The following PRIM2 variants were observed in gnomAD, a reference collection of about 807,000 sequenced individuals.
The protein encoded by PRIM2 is DNA primase large subunit.
PRIM2 carries 39 observed loss-of-function variants against 67.3 expected under a neutral mutation model. That is an observed-to-expected ratio of 0.58 (90% CI 0.45 to 0.76). The LOEUF (loss-of-function observed/expected upper bound fraction) is 0.76. PRIM2 is among the 30% of genes least tolerant of loss of function. The pLI is 0.00. For missense variants in PRIM2, 398 were observed against 598.7 expected (o/e 0.66, Z 3.50); for synonymous variants, 143 against 198.7 (o/e 0.72, Z 2.36).
chr6:57,376,748 G>A (rs1209540521), intron 5 of PRIM2, among the ~76,000 whole-genome samples: 1 of 152,124 alleles, frequency 6.6e-6, no homozygotes, highest in Non-Finnish European at 1.5e-5. Context: ...TTTTGTTGGT[G>A]AAGGCCTTGC....
At chr6:57,457,899 G>T (rs1477767274) in intron 7 of PRIM2, among the ~76,000 whole-genome samples, 2 of 152,080 alleles carry the variant, frequency 1.3e-5, no homozygotes, top group Non-Finnish European at 2.9e-5. Context: ...GCTATAGACT[G>T]GAGCTGTTCC....
chr6:57,310,220 A>G (rs1767354162), upstream of PRIM2, among the ~76,000 whole-genome samples: 1 of 152,250 alleles, frequency 6.6e-6, no homozygotes, highest in African/African-American at 2.4e-5. Context: ...TCATCAGAGA[A>G]ATGCAAATCA....
intron 10 of PRIM2, among the ~76,000 whole-genome samples, chr6:57,591,009 G>A (rs1776273312): frequency 6.6e-6 from 1 of 152,156 alleles, no homozygotes; most frequent in Non-Finnish European, 1.5e-5. Context: ...AGTATTTACT[G>A]CCTCCTGGAC....
At chr6:57,293,077 T>C in the PRIM2 span, among the ~76,000 whole-genome samples, 1 of 152,134 alleles carries the variant, frequency 6.6e-6, no homozygotes, top group Non-Finnish European at 1.5e-5. Flanking sequence ...AGAAAATTTT[T>C]GCAATCTACC....
chr6:57,420,173 A>C (rs1421621372), intron 7 of PRIM2, among the ~76,000 whole-genome samples: 1 of 152,138 alleles, frequency 6.6e-6, no homozygotes, highest in African/African-American at 2.4e-5. Context: ...TTTTAGAACT[A>C]ATTAGTTCCT....
chr6:57,298,305 G>A, the PRIM2 span, among the ~76,000 whole-genome samples: 7 of 152,242 alleles, frequency 4.6e-5, no homozygotes, highest in South Asian at 1.5e-3. Flanking sequence ...AGGTTGCAGT[G>A]AGCCAAGATT....
chr6:57,511,551 T>A (rs1438696155), intron 8 of PRIM2, among the ~76,000 whole-genome samples: 1 of 152,206 alleles, frequency 6.6e-6, no homozygotes, highest in African/African-American at 2.4e-5. Flanking sequence ...CCTTAAGTAA[T>A]TGGGCCATAA....
intron 7 of PRIM2, among the ~76,000 whole-genome samples, chr6:57,419,876 T>C (rs1189521298): frequency 2.6e-5 from 4 of 152,178 alleles, no homozygotes; most frequent in African/African-American, 9.7e-5. Flanking sequence ...ATCATAAGCA[T>C]ATGACTTATA....
chr6:57,594,888 C>T lies in PRIM2; in HGVS notation c.1021-6205C>T. Among the ~76,000 whole-genome samples, 3 of 152,016 alleles carry T rather than the reference C, an allele frequency of 2.0e-5. No homozygotes were observed. The East Asian group carries it at 5.8e-4, about 29-fold the overall frequency. On this transcript the variant is annotated intron_variant, in intron 10 of 13. Transcript: ENST00000615550. ...ATTACATTTGACAAAAGGCTTGTGTCCAGAATATATAAAGAATTATTCAAT... is the reference window on the plus strand; with the variant it reads ...ATTACATTTGACAAAAGGCTTGTGTTCAGAATATATAAAGAATTATTCAAT...
At chr6:57,442,496 G>A (rs1772232027) in intron 7 of PRIM2, among the ~76,000 whole-genome samples, 1 of 151,970 alleles carries the variant, frequency 6.6e-6, no homozygotes, top group South Asian at 2.1e-4. Flanking sequence ...ATGGGTAAGG[G>A]CCCAAAGGAC....
chr6:57,545,017 T>G (rs1775256314), intron 10 of PRIM2, among the ~76,000 whole-genome samples: 1 of 152,228 alleles, frequency 6.6e-6, no homozygotes, highest in African/African-American at 2.4e-5. Flanking sequence ...TCTTTTTAGA[T>G]AGAGCTGTTT....
chr6:57,235,675 G>C, the PRIM2 span, among the ~76,000 whole-genome samples: 1 of 152,164 alleles, frequency 6.6e-6, no homozygotes, highest in South Asian at 2.1e-4. Context: ...GGACTTTGCA[G>C]ATGTGGTTAA....
chr6:57,482,185 G>A (rs1257415992), intron 7 of PRIM2, among the ~76,000 whole-genome samples: 1 of 151,556 alleles, frequency 6.6e-6, no homozygotes, highest in East Asian at 1.9e-4. Context: ...TAATTTAGGG[G>A]AAAATGATGA....
intron 10 of PRIM2, among the ~76,000 whole-genome samples, chr6:57,547,374 T>G (rs1775310444): frequency 6.6e-6 from 1 of 152,202 alleles, no homozygotes. Flanking sequence ...AGGTAGTTTT[T>G]CAGTCCATCC....
At chr6:57,331,702 C>T (rs996711427) in intron 5 of PRIM2, among the ~76,000 whole-genome samples, 2 of 151,870 alleles carry the variant, frequency 1.3e-5, no homozygotes, top group Non-Finnish European at 2.9e-5. Context: ...ATAGTTTTCT[C>T]TTATCCTTTT....
rs1469115752 is a variant in PRIM2, at chr6:57,639,133, C to T, written c.1300-6795C>T. ...ACTGCACAACTACATGGAAACTGAACAGTCTGCTCCTGAATGACTACAGGG... is the reference window on the plus strand; with the variant it reads ...ACTGCACAACTACATGGAAACTGAATAGTCTGCTCCTGAATGACTACAGGG... On this transcript the variant is annotated intron_variant, in intron 13 of 13. Transcript: ENST00000615550. Among the ~76,000 whole-genome samples, 4 of 152,282 alleles carry T rather than the reference C, an allele frequency of 2.6e-5. No homozygotes were observed. In the South Asian group the frequency reaches 8.3e-4, roughly 32 times the overall value.
the PRIM2 span, among the ~76,000 whole-genome samples, chr6:57,285,976 G>A: frequency 7.9e-5 from 12 of 152,108 alleles, no homozygotes; most frequent in Admixed American, 2.0e-4. Flanking sequence ...GACAAACAAA[G>A]AGCCAAATCA....
chr6:57,504,757 A>G (rs1254584073), intron 7 of PRIM2, among the ~76,000 whole-genome samples: 5 of 152,228 alleles, frequency 3.3e-5, no homozygotes, highest in African/African-American at 1.2e-4. Context: ...CTGGATAGAT[A>G]TAGCTTTCTA....
At chr6:57,591,162 T>C (rs1399061778) in intron 10 of PRIM2, among the ~76,000 whole-genome samples, 1 of 152,218 alleles carries the variant, frequency 6.6e-6, no homozygotes, top group Non-Finnish European at 1.5e-5. Flanking sequence ...ATTACAAATT[T>C]AGTTTAATAG....
Sources: gnomAD v4.1 joint callset for allele counts (sites outside exome capture counted in the v4.1 genomes callset) on GRCh38, gnomAD v4.1.1 for gene constraint, MANE v1.5 for transcripts, NCBI Gene and HGNC (gene_info 2026-07-23, HGNC 2026-07-21) for gene names.